AK5: variants seen among roughly 807,000 people sequenced by gnomAD.
AK5 encodes adenylate kinase isoenzyme 5.
Under a neutral mutation model 69.5 loss-of-function variants are expected in AK5, and 27 were observed. The observed-to-expected ratio is 0.39, with a 90% CI of 0.29 to 0.54. The LOEUF is 0.54. AK5 is among the 20% of genes least tolerant of loss of function. The probability of loss-of-function intolerance (pLI) is 0.71; values close to 1 mark genes in which losing one functional copy is unlikely to be tolerated. For missense variants in AK5, 531 were observed against 700.4 expected (o/e 0.76, Z 2.73); for synonymous variants, 260 against 244.4 (o/e 1.06, Z -0.60).
intron 8 of AK5, among the ~76,000 whole-genome samples, chr1:77,447,980 C>T (rs962722340): frequency 9.9e-5 from 15 of 152,184 alleles, no homozygotes; most frequent in Non-Finnish European, 1.6e-4. Flanking sequence ...GCAGAAGTTA[C>T]CATTGTCTAA....
At chr1:77,294,077 C>G (rs1658846882) in intron 3 of AK5, 117 bp downstream of exon 3, 1 of 863,628 alleles carries the variant, frequency 1.2e-6, no homozygotes, top group Non-Finnish European at 1.7e-6. Context: ...GCAATAGAAA[C>G]AAAAGCTCAA....
intron 6 of AK5, among the ~76,000 whole-genome samples, chr1:77,402,139 C>A (rs17098286): frequency 2.6e-5 from 4 of 152,060 alleles, no homozygotes; most frequent in Admixed American, 2.6e-4. Flanking sequence ...TTATATCTCC[C>A]TGGATCCTTT....
At chr1:77,468,512 G>A (rs1654280573) in intron 8 of AK5, among the ~76,000 whole-genome samples, 5 of 152,240 alleles carry the variant, frequency 3.3e-5, no homozygotes, top group Admixed American at 3.3e-4. Context: ...TCACTCAGTG[G>A]CAAGGGTCCA....
At chr1:77,328,511 A>G (rs1455472852) in intron 5 of AK5, among the ~76,000 whole-genome samples, 3 of 152,110 alleles carry the variant, frequency 2.0e-5, no homozygotes, top group African/African-American at 7.2e-5. Context: ...AAAAGAAAAA[A>G]AAAAACTTCA....
intron 10 of AK5, among the ~76,000 whole-genome samples, chr1:77,508,408 T>C (rs1657141199): frequency 1.3e-5 from 2 of 152,190 alleles, no homozygotes; most frequent in South Asian, 4.1e-4. Flanking sequence ...GTAACCATGC[T>C]GATGGAGCCC....
At chr1:77,309,534 C>T (rs1360057608) in intron 5 of AK5, among the ~76,000 whole-genome samples, 1 of 152,072 alleles carries the variant, frequency 6.6e-6, no homozygotes, top group African/African-American at 2.4e-5. Context: ...TACATATAGA[C>T]CTAGCTCATC....
chr1:77,316,161 T>C (rs917791911), intron 5 of AK5, among the ~76,000 whole-genome samples: 1 of 152,130 alleles, frequency 6.6e-6, no homozygotes, highest in Non-Finnish European at 1.5e-5. Context: ...CTTACTCAGT[T>C]GCATTCCTTC....
At chr1:77,511,213 C>G (rs1027456707) in intron 10 of AK5, among the ~76,000 whole-genome samples, 1 of 152,106 alleles carries the variant, frequency 6.6e-6, no homozygotes, top group Admixed American at 6.5e-5. Flanking sequence ...GATAATAATT[C>G]TGATCCTTAT....
intron 8 of AK5, among the ~76,000 whole-genome samples, chr1:77,481,770 A>G (rs116417990): frequency 3.5e-4 from 54 of 152,236 alleles, no homozygotes; most frequent in African/African-American, 1.3e-3. Context: ...AAATACATTT[A>G]CTCTTTGACC....
At chr1:77,328,588 A>G (rs1445797738) in intron 5 of AK5, among the ~76,000 whole-genome samples, 1 of 152,190 alleles carries the variant, frequency 6.6e-6, no homozygotes, top group Non-Finnish European at 1.5e-5. Flanking sequence ...TCTTATTGAA[A>G]TGAAGATTTG....
chr1:77,430,461 T>A (rs1214131853), intron 8 of AK5, among the ~76,000 whole-genome samples: 2 of 152,106 alleles, frequency 1.3e-5, no homozygotes, highest in Non-Finnish European at 2.9e-5. Context: ...CCTTAACATA[T>A]CCAAGTAGAA....
At chr1:77,431,107 A>G (rs950244951) in intron 8 of AK5, among the ~76,000 whole-genome samples, 4 of 152,136 alleles carry the variant, frequency 2.6e-5, no homozygotes, top group South Asian at 2.1e-4. Flanking sequence ...GGGAAGTCAA[A>G]GAGTTCCTGT....
At chr1:77,548,167 T>G (rs1659631952) in intron 13 of AK5, among the ~76,000 whole-genome samples, 2 of 152,248 alleles carry the variant, frequency 1.3e-5, no homozygotes, top group Non-Finnish European at 2.9e-5. Flanking sequence ...GTCCTATTTA[T>G]AGACAGGCCA....
At chr1:77,347,738 A>G (rs1187296218) in intron 6 of AK5, among the ~76,000 whole-genome samples, 1 of 152,212 alleles carries the variant, frequency 6.6e-6, no homozygotes, top group Non-Finnish European at 1.5e-5. Flanking sequence ...TGTCCTGGGC[A>G]GCAAATTCTG....
intron 6 of AK5, among the ~76,000 whole-genome samples, chr1:77,360,494 A>AG (rs940247039): frequency 6.6e-5 from 10 of 152,068 alleles, no homozygotes; most frequent in East Asian, 1.9e-4. Context: ...CAGAGAAGTT[A>AG]GGGGGGGTGG....
intron 10 of AK5, among the ~76,000 whole-genome samples, chr1:77,502,439 C>T (rs372247868): frequency 7.2e-5 from 11 of 152,184 alleles, no homozygotes; most frequent in African/African-American, 2.7e-4. Context: ...GTCAGGAGGA[C>T]ACTTTCACCT....
intron 13 of AK5, among the ~76,000 whole-genome samples, chr1:77,545,488 A>G (rs935826563): frequency 6.6e-6 from 1 of 152,226 alleles, no homozygotes; most frequent in Non-Finnish European, 1.5e-5. Context: ...GGTTGTTTCT[A>G]GTTCAGTTTG....
At chr1:77,482,485 T>G (rs770350646) in intron 8 of AK5, among the ~76,000 whole-genome samples, 4 of 152,120 alleles carry the variant, frequency 2.6e-5, no homozygotes, top group Admixed American at 6.6e-5. Context: ...ATAGTTGCCC[T>G]GTAGGGGCCG....
In AK5 at chr1:77,350,720, C is replaced by T. The variant is rs578238502; in HGVS notation, c.891+10152C>T. Reference sequence around the variant, plus strand: ...ACTCAAAAATCACCTGCATCATAGGCGTAACATACATTTTCCCAGTTTAAC... The same window carrying T: ...ACTCAAAAATCACCTGCATCATAGGTGTAACATACATTTTCCCAGTTTAAC... On this transcript the variant is annotated intron_variant, in intron 6 of 13. Transcript: ENST00000354567. Among the ~76,000 whole-genome samples, 8 of 152,234 alleles carry T rather than the reference C, an allele frequency of 5.3e-5. No homozygotes were observed. The East Asian group carries it at 1.2e-3, about 22-fold the overall frequency.
Sources: allele counts gnomAD v4.1 joint callset (sites outside exome capture counted in the v4.1 genomes callset), GRCh38; gene constraint gnomAD v4.1.1; transcripts MANE v1.5; gene names NCBI Gene and HGNC (gene_info 2026-07-23, HGNC 2026-07-21).